ACYP2: variants seen among roughly 807,000 people sequenced by gnomAD.
ACYP2 encodes the protein acylphosphatase-2.
A neutral mutation model predicts 11.2 loss-of-function variants in ACYP2; 12 were observed. That is an observed-to-expected ratio of 1.08 (90% CI 0.69 to 1.74). The LOEUF is 1.74. Among genes scored for constraint, ACYP2 ranks in the 40% most tolerant of loss-of-function variants. The pLI is 0.00. For missense variants in ACYP2, 134 were observed against 101.9 expected (o/e 1.31, Z -1.35); for synonymous variants, 43 against 32.2 (o/e 1.33, Z -1.13).
In ACYP2 at chr2:53,994,487, C is replaced by G. The variant is rs1373702475; in HGVS notation, c.62+20677C>G. ...AGAACCAAGATTGCACCACTGCCCT[C>G]CAGCCTGGGTGACAGAGTAAGACTC... On this transcript the variant is annotated intron_variant, in intron 2 of 6. Coordinates refer to ENST00000607452, the MANE Select transcript of ACYP2 (RefSeq NM_001320586.2). Among the ~76,000 whole-genome samples the G allele has an allele frequency of 3.2e-4, 47 of 147,424 alleles. No individual in the cohort carries two copies. In the East Asian group the frequency reaches 7.5e-3, roughly 24 times the overall value.
rs564568153 is a variant in ACYP2, at chr2:54,207,139, CAA to C, written c.404+68392_404+68393del. 2.7e-3 allele frequency among the ~76,000 whole-genome samples: 384 copies of C among 141,578 alleles called. 1 individual carries two copies. Among genetic ancestry groups the C allele is most frequent in the Admixed American group, 5.3e-3 (76 of 14,290 alleles). 92.9% of individuals were successfully genotyped at this position (141,578 alleles called of 152,430 possible). ...TATAGGTATATATATGCCTATATCT[CAA>C]GTTATTATATGTACATATATACAAC... On this transcript the variant is annotated intron_variant, in intron 6 of 6. Coordinates refer to ENST00000607452, the MANE Select transcript of ACYP2 (RefSeq NM_001320586.2).
At chr2:54,078,452 T>A (rs566133352) in intron 4 of ACYP2, among the ~76,000 whole-genome samples, 1 of 150,084 alleles carries the variant, frequency 6.7e-6, no homozygotes, top group African/African-American at 2.4e-5. Context: ...CCAGCTCCTG[T>A]CGCTATTATT....
At chr2:54,022,633 G>T (rs552188973) in intron 2 of ACYP2, among the ~76,000 whole-genome samples, 3 of 152,190 alleles carry the variant, frequency 2.0e-5, no homozygotes, top group South Asian at 2.1e-4. Context: ...TCCCACCTCA[G>T]CCTCACAAAG....
chr2:54,183,978 C>G (rs1033188226), intron 6 of ACYP2, among the ~76,000 whole-genome samples: 2 of 152,096 alleles, frequency 1.3e-5, no homozygotes, highest in Non-Finnish European at 2.9e-5. Flanking sequence ...TCTCTAGAAT[C>G]ACAAATTGGA....
chr2:53,998,970 G>T (rs1457187496), intron 2 of ACYP2, among the ~76,000 whole-genome samples: 2 of 152,082 alleles, frequency 1.3e-5, no homozygotes, highest in African/African-American at 4.8e-5. Context: ...CACGGCCACT[G>T]TTCTGAAGTG....
intron 6 of ACYP2, among the ~76,000 whole-genome samples, chr2:54,161,438 A>T (rs1682707202): frequency 6.6e-6 from 1 of 152,204 alleles, no homozygotes; most frequent in Non-Finnish European, 1.5e-5. Flanking sequence ...TTCAAAGAGG[A>T]GTTACTCAAG....
intron 6 of ACYP2, among the ~76,000 whole-genome samples, chr2:54,299,250 A>T (rs1014955114): frequency 1.3e-5 from 2 of 152,180 alleles, no homozygotes; most frequent in African/African-American, 4.8e-5. Context: ...AAGGAAAAAG[A>T]TATCAAGATA....
chr2:53,994,174 CA>C (rs1158334512), intron 2 of ACYP2, among the ~76,000 whole-genome samples: 11 of 151,526 alleles, frequency 7.3e-5, no homozygotes, highest in Non-Finnish European at 1.6e-4. Context: ...ACTAAAAATA[CA>C]AAAAATTAGC....
At chr2:54,231,598 G>C (rs1035043629) in intron 6 of ACYP2, among the ~76,000 whole-genome samples, 1 of 152,146 alleles carries the variant, frequency 6.6e-6, no homozygotes, top group Non-Finnish European at 1.5e-5. Flanking sequence ...GTTTCCTCAT[G>C]TATCAGTTGG....
chr2:53,980,957 G>T (rs547139866), intron 2 of ACYP2, among the ~76,000 whole-genome samples: 19 of 152,064 alleles, frequency 1.2e-4, no homozygotes, highest in Admixed American at 7.9e-4. Context: ...TTGCCGTGTT[G>T]CCCAACGTGG....
intron 6 of ACYP2, among the ~76,000 whole-genome samples, chr2:54,140,541 CA>C (rs1681548024): frequency 1.3e-5 from 2 of 151,768 alleles, no homozygotes; most frequent in African/African-American, 4.8e-5. Flanking sequence ...CACACACACA[CA>C]CACACACTTG....
chr2:54,208,204 A>C (rs903191614), intron 6 of ACYP2, among the ~76,000 whole-genome samples: 12 of 151,860 alleles, frequency 7.9e-5, no homozygotes, highest in African/African-American at 2.9e-4. Context: ...AAAAAAAAAA[A>C]AACTTTTTAT....
intron 6 of ACYP2, among the ~76,000 whole-genome samples, chr2:54,246,548 A>C (rs1686960056): frequency 6.6e-6 from 1 of 152,132 alleles, no homozygotes; most frequent in African/African-American, 2.4e-5. Context: ...TTGTAATCTA[A>C]AATCTATTGA....
At chr2:54,070,361 A>G (rs1676972757) in intron 4 of ACYP2, among the ~76,000 whole-genome samples, 1 of 152,158 alleles carries the variant, frequency 6.6e-6, no homozygotes, top group East Asian at 1.9e-4. Flanking sequence ...GGCTTATAAT[A>G]AGGATTCTGA....
intron 2 of ACYP2, among the ~76,000 whole-genome samples, chr2:54,013,489 G>A (rs1170198827): frequency 6.6e-6 from 1 of 151,710 alleles, no homozygotes; most frequent in South Asian, 2.1e-4. Flanking sequence ...TAGTAGAGAC[G>A]CGGTTTCATC....
Position 54,301,285 on chromosome 2 carries a change from A to G in ACYP2, c.405-3403A>G, listed in dbSNP as rs572299456. ...GCATTTCCCATTCTAAGATTTGGGG[A>G]AAAAAACCAAAACACTAATGTCTTC... On this transcript the variant is annotated intron_variant, in intron 6 of 6. Coordinates refer to ENST00000607452, the MANE Select transcript of ACYP2 (RefSeq NM_001320586.2). 2.0e-5 allele frequency among the ~76,000 whole-genome samples: 3 copies of G among 152,196 alleles called. 1 individual carries two copies. The highest frequency in any genetic ancestry group is 4.8e-5 in the African/African-American group (2 of 41,520).
chr2:54,283,507 C>T (rs946733670), intron 6 of ACYP2, among the ~76,000 whole-genome samples: 1 of 152,150 alleles, frequency 6.6e-6, no homozygotes, highest in East Asian at 1.9e-4. Flanking sequence ...TATTATTAAA[C>T]CCATTTTACT....
intron 6 of ACYP2, among the ~76,000 whole-genome samples, chr2:54,285,754 C>A (rs895888554): frequency 1.3e-5 from 2 of 152,176 alleles, no homozygotes; most frequent in Admixed American, 6.5e-5. Context: ...TGCTAGAAAA[C>A]CTTTTTAACA....
At chr2:54,219,534 TA>T in intron 6 of ACYP2, among the ~76,000 whole-genome samples, 1 of 152,308 alleles carries the variant, frequency 6.6e-6, no homozygotes, top group East Asian at 1.9e-4. Flanking sequence ...TATTAAAGTT[TA>T]AAAGAATCAT....
Sources: allele counts gnomAD v4.1 joint callset (sites outside exome capture counted in the v4.1 genomes callset), GRCh38; gene constraint gnomAD v4.1.1; transcripts MANE v1.5; gene names NCBI Gene and HGNC (gene_info 2026-07-23, HGNC 2026-07-21).